Variants in SDK1 observed in about 807,000 individuals in gnomAD.
SDK1 encodes the protein protein sidekick-1.
SDK1 carries 157 observed loss-of-function variants against 245.5 expected under a neutral mutation model. The ratio of observed to expected loss-of-function variants is 0.64; its 90% CI spans 0.56 to 0.73. The LOEUF (loss-of-function observed/expected upper bound fraction) is 0.73. Among genes scored for constraint, SDK1 ranks in the 30% least tolerant of loss-of-function variants. SDK1 has a pLI of 0.00. For missense variants in SDK1, 3,583 were observed against 3,002.3 expected (o/e 1.19, Z -4.52); for synonymous variants, 1,647 against 1,278.5 (o/e 1.29, Z -6.15).
At chr7:3,692,958 A>T (rs527276518) in intron 4 of SDK1, among the ~76,000 whole-genome samples, 32 of 152,142 alleles carry the variant, frequency 2.1e-4, no homozygotes, top group African/African-American at 7.2e-4. Flanking sequence ...TATATCATCC[A>T]GTAGTATTTC....
chr7:3,737,897 C>T (rs1779363419), intron 4 of SDK1, among the ~76,000 whole-genome samples: 1 of 152,204 alleles, frequency 6.6e-6, no homozygotes, highest in Non-Finnish European at 1.5e-5. Context: ...CAAACCAAAT[C>T]CCTCCACTCT....
intron 1 of SDK1, among the ~76,000 whole-genome samples, chr7:3,613,292 C>G (rs748366112): frequency 2.6e-5 from 4 of 152,142 alleles, no homozygotes; most frequent in Non-Finnish European, 5.9e-5. Flanking sequence ...ATAGATGGGT[C>G]ATGGTCCCTT....
intron 1 of SDK1, among the ~76,000 whole-genome samples, chr7:3,471,813 G>C (rs1390527721): frequency 6.6e-6 from 1 of 152,102 alleles, no homozygotes; most frequent in Non-Finnish European, 1.5e-5. Context: ...AAGTTGCCTG[G>C]TTATAGTAGT....
At chr7:4,080,655 GA>G in intron 22 of SDK1, among the ~76,000 whole-genome samples, 1 of 152,196 alleles carries the variant, frequency 6.6e-6, no homozygotes, top group South Asian at 2.1e-4. Flanking sequence ...ATTTACTTAG[GA>G]AAAATAGCAG....
chr7:4,127,586 T>A, intron 26 of SDK1, 90 bp downstream of exon 26: 1 of 914,362 alleles, frequency 1.1e-6, no homozygotes, highest in South Asian at 1.4e-5. Context: ...ACGAGCTTCC[T>A]CTTCTCCTAC....
rs1787349006 is a variant in SDK1 at position 4,026,401 on chromosome 7, TG to T, written c.2602+9050del. Among the ~76,000 whole-genome samples the T allele has an allele frequency of 6.6e-6, 1 of 152,198 alleles. No homozygotes were observed. The highest frequency in any genetic ancestry group is 2.4e-5 in the African/African-American group (1 of 41,452). On this transcript the variant is annotated intron_variant, in intron 17 of 44. Transcript: ENST00000404826. This position sits in a 1 kb window ranked among gnomAD's most constrained non-coding sequence, Gnocchi z 4.1. The stretch of plus-strand genomic sequence containing the variant: ...TATTTTAGGAATGAAACTGGTATTT[TG>T]TGAATAGAAATAACATCTTGTTCCT...
In SDK1 at chr7:4,026,196, C is replaced by T. The variant is rs1426984245; in HGVS notation, c.2602+8844C>T. ...GTCGTGGGAAGAGTGGAAGAGAAAC[C>T]ACAAACATGCAATTTTCAGATGCGG... On this transcript the variant is annotated intron_variant, in intron 17 of 44. Transcript: ENST00000404826. The surrounding 1 kb of genome is among the most constrained non-coding windows in gnomAD (Gnocchi z 4.1). 6.6e-6 allele frequency among the ~76,000 whole-genome samples: 1 copy of T among 152,118 alleles called. No homozygotes were observed. The highest frequency in any genetic ancestry group is 1.5e-5 in the Non-Finnish European group (1 of 68,024).
At chr7:3,956,337 C>T (rs1336945150) in intron 7 of SDK1, among the ~76,000 whole-genome samples, 3 of 152,192 alleles carry the variant, frequency 2.0e-5, no homozygotes, top group African/African-American at 7.2e-5. Flanking sequence ...GGTTCTTTGC[C>T]TTAGAGCAGA....
chr7:4,253,956 T>A (rs1486326643), intron 44 of SDK1, among the ~76,000 whole-genome samples: 1 of 152,184 alleles, frequency 6.6e-6, no homozygotes, highest in Admixed American at 6.5e-5. Context: ...TCATTTTGAT[T>A]TCCTTGTTTT....
chr7:4,103,397 T>G (rs1782700489), intron 22 of SDK1, among the ~76,000 whole-genome samples: 1 of 152,214 alleles, frequency 6.6e-6, no homozygotes, highest in Admixed American at 6.5e-5. Flanking sequence ...AGAACATTCT[T>G]TCTTGGCCTT....
At chr7:3,798,407 C>T (rs1562450926) in intron 4 of SDK1, among the ~76,000 whole-genome samples, 5 of 151,894 alleles carry the variant, frequency 3.3e-5, no homozygotes, top group Admixed American at 2.0e-4. Flanking sequence ...TTAGTAGAGA[C>T]AGGGTTTCAC....
At chr7:3,638,266 C>G (rs1018506864) in intron 2 of SDK1, among the ~76,000 whole-genome samples, 3 of 152,118 alleles carry the variant, frequency 2.0e-5, no homozygotes, top group African/African-American at 7.2e-5. Flanking sequence ...CCATTTGACC[C>G]AGCCATCCCA....
chr7:4,064,313 T>C (rs1238845823), intron 19 of SDK1, among the ~76,000 whole-genome samples: 1 of 152,120 alleles, frequency 6.6e-6, no homozygotes, highest in African/African-American at 2.4e-5. Context: ...AACGTGTCTA[T>C]GAAAAAATGC....
At chr7:3,304,650 G>T (rs958956949) in intron 1 of SDK1, among the ~76,000 whole-genome samples, 1 of 152,172 alleles carries the variant, frequency 6.6e-6, no homozygotes, top group Non-Finnish European at 1.5e-5. Flanking sequence ...TGATGAAGCT[G>T]TAGAGTACCT....
intron 14 of SDK1, among the ~76,000 whole-genome samples, chr7:3,993,513 T>C (rs1425491743): frequency 6.6e-6 from 1 of 152,218 alleles, no homozygotes; most frequent in Admixed American, 6.5e-5. Context: ...CTATTATACC[T>C]TGTAATATTT....
At chr7:4,041,299 T>C (rs1788618146) in intron 17 of SDK1, among the ~76,000 whole-genome samples, 1 of 151,764 alleles carries the variant, frequency 6.6e-6, no homozygotes, top group Admixed American at 6.6e-5. Context: ...TTTTTTTTTT[T>C]TTTGGAGTAC....
rs567338523 is a variant in SDK1, at chr7:3,913,056, G to T, written c.848-37867G>T. Among the ~76,000 whole-genome samples the T allele has an allele frequency of 2.6e-5, 4 of 152,188 alleles. No individual in the cohort carries two copies. The South Asian group carries it at 8.3e-4, about 31-fold the overall frequency. On this transcript the variant is annotated intron_variant, in intron 5 of 44. Coordinates refer to ENST00000404826, the MANE Select transcript of SDK1 (RefSeq NM_152744.4). ...AAGTGAGAGCTTGTGATTAAGGAGG[G>T]TTTAATGACAGGGAAAACAGTTAAA...
chr7:3,457,428 C>G (rs1780705816), intron 1 of SDK1, among the ~76,000 whole-genome samples: 1 of 152,228 alleles, frequency 6.6e-6, no homozygotes, highest in South Asian at 2.1e-4. Context: ...ACAATGTCTT[C>G]TTATCTCCCT....
chr7:3,676,018 T>C lies in SDK1; in HGVS notation c.713+33913T>C, dbSNP rs78479217. On this transcript the variant is annotated intron_variant, in intron 4 of 44. Coordinates refer to ENST00000404826, the MANE Select transcript of SDK1 (RefSeq NM_152744.4). ...TCTGTTTGCTCTATTGAGTTTCTTT[T>C]TTTGTGGCACTATCACGGCTGACTG... 4.2e-3 allele frequency among the ~76,000 whole-genome samples: 639 copies of C among 152,332 alleles called. 4 individuals carry two copies. The highest frequency in any genetic ancestry group is 0.014 in the African/African-American group (596 of 41,564).
Sources: gnomAD v4.1 joint callset for allele counts (sites outside exome capture counted in the v4.1 genomes callset) on GRCh38, gnomAD v4.1.1 for gene constraint, Gnocchi (gnomAD v3.1) non-coding constraint, MANE v1.5 for transcripts, NCBI Gene and HGNC (gene_info 2026-07-23, HGNC 2026-07-21) for gene names.